The following FAM107B variants were observed in gnomAD, a reference collection of about 807,000 sequenced individuals.
The protein encoded by FAM107B is protein FAM107B.
A neutral mutation model predicts 31.5 loss-of-function variants in FAM107B; 21 were observed. The ratio of observed to expected loss-of-function variants is 0.67; its 90% CI spans 0.47 to 0.96. The LOEUF (loss-of-function observed/expected upper bound fraction) is 0.96, where lower values mean the gene tolerates loss of function less well. FAM107B is among the 40% of genes least tolerant of loss of function. The pLI, the probability that FAM107B is intolerant of heterozygous loss-of-function variation, is 0.00. For missense variants in FAM107B, 452 were observed against 377.1 expected (o/e 1.20, Z -1.64); for synonymous variants, 157 against 141.5 (o/e 1.11, Z -0.78).
At chr10:14,561,447 G>C (rs1850233852) in intron 2 of FAM107B, among the ~76,000 whole-genome samples, 1 of 152,220 alleles carries the variant, frequency 6.6e-6, no homozygotes, top group Non-Finnish European at 1.5e-5. Context: ...GGGCTACCAA[G>C]GGAAAGAGCT....
intron 2 of FAM107B, among the ~76,000 whole-genome samples, chr10:14,557,296 G>T (rs1162414718): frequency 5.9e-5 from 9 of 152,176 alleles, no homozygotes; most frequent in Admixed American, 5.9e-4. Flanking sequence ...TACCTCGCTG[G>T]ATCTTCAAGG....
intron 2 of FAM107B, among the ~76,000 whole-genome samples, chr10:14,582,650 T>C (rs953947985): frequency 3.9e-5 from 6 of 151,928 alleles, no homozygotes; most frequent in Non-Finnish European, 5.9e-5. Flanking sequence ...GAGCTGGGAT[T>C]ACAGGCGTGA....
At chr10:14,549,415 GAGA>G (rs1849048389) in intron 2 of FAM107B, among the ~76,000 whole-genome samples, 1 of 152,260 alleles carries the variant, frequency 6.6e-6, no homozygotes, top group Admixed American at 6.5e-5. Flanking sequence ...ATAAAGATGA[GAGA>G]AGTTTAGGCC....
intron 1 of FAM107B, among the ~76,000 whole-genome samples, chr10:14,680,192 A>C (rs11259265): frequency 0.15 from 22,946 of 152,086 alleles, 2,094 homozygotes; most frequent in South Asian, 0.29. Context: ...TTGAGTTCCC[A>C]GCATAGAACT....
At chr10:14,770,575 C>T (rs138333274) in intron 1 of FAM107B, among the ~76,000 whole-genome samples, 304 of 152,156 alleles carry the variant, frequency 2.0e-3, no homozygotes, top group African/African-American at 7.0e-3. Context: ...TGCTGAATTT[C>T]GTTGAGTCTA....
intron 2 of FAM107B, among the ~76,000 whole-genome samples, chr10:14,636,820 A>G (rs1342110724): frequency 6.6e-6 from 1 of 152,182 alleles, no homozygotes; most frequent in Non-Finnish European, 1.5e-5. Context: ...ATTATGGCTC[A>G]GCTCCTTGCA....
intron 1 of FAM107B, among the ~76,000 whole-genome samples, chr10:14,694,320 C>A (rs1187264502): frequency 6.6e-6 from 1 of 152,220 alleles, no homozygotes; most frequent in African/African-American, 2.4e-5. Flanking sequence ...CTGCACCAAC[C>A]TACATTCCCT....
intron 1 of FAM107B, among the ~76,000 whole-genome samples, chr10:14,716,959 G>A (rs377512180): frequency 1.4e-4 from 21 of 151,912 alleles, no homozygotes; most frequent in Admixed American, 6.6e-4. Flanking sequence ...ATGTGGTGGC[G>A]AGCACCTGTA....
chr10:14,637,762 G>GGGT (rs1853536569), intron 2 of FAM107B, among the ~76,000 whole-genome samples: 1 of 152,114 alleles, frequency 6.6e-6, no homozygotes, highest in Non-Finnish European at 1.5e-5. Context: ...TGACATGTTG[G>GGGT]GGTGGTGTAT....
intron 1 of FAM107B, among the ~76,000 whole-genome samples, chr10:14,710,362 G>A (rs1056372663): frequency 6.6e-6 from 1 of 151,644 alleles, no homozygotes; most frequent in Admixed American, 6.6e-5. Flanking sequence ...TGTGAGCTAC[G>A]ATTGCACCAC....
At chr10:14,705,705 G>T (rs1370911993) in intron 1 of FAM107B, among the ~76,000 whole-genome samples, 1 of 152,044 alleles carries the variant, frequency 6.6e-6, no homozygotes, top group African/African-American at 2.4e-5. Flanking sequence ...GTTGCCAAGG[G>T]CTAGGTGGAG....
At chr10:14,668,431 G>A (rs922255013) in intron 1 of FAM107B, among the ~76,000 whole-genome samples, 1 of 152,114 alleles carries the variant, frequency 6.6e-6, no homozygotes, top group Admixed American at 6.5e-5. Flanking sequence ...CTGATTTCAT[G>A]TACTTTCGAA....
intron 2 of FAM107B, among the ~76,000 whole-genome samples, chr10:14,657,888 G>A (rs1854108754): frequency 6.6e-6 from 1 of 151,580 alleles, no homozygotes; most frequent in South Asian, 2.1e-4. Flanking sequence ...CCAGCTCACT[G>A]CAGCCTTGGC....
At chr10:14,530,651 A>G in intron 2 of FAM107B, 136 bp from the exon 3 acceptor site, 1 of 728,840 alleles carries the variant, frequency 1.4e-6, no homozygotes, top group Non-Finnish European at 2.2e-6. Context: ...CATCGCTGAT[A>G]AATATTCTAA....
intron 2 of FAM107B, among the ~76,000 whole-genome samples, chr10:14,584,111 C>A (rs1356102163): frequency 6.6e-6 from 1 of 152,184 alleles, no homozygotes; most frequent in Non-Finnish European, 1.5e-5. Flanking sequence ...AGGGACCAAG[C>A]AAGACAGGCC....
At chr10:14,753,363 T>G (rs1832867396) in intron 1 of FAM107B, among the ~76,000 whole-genome samples, 1 of 152,144 alleles carries the variant, frequency 6.6e-6, no homozygotes, top group African/African-American at 2.4e-5. Context: ...GATGGGAGCT[T>G]AAAACCCCGT....
intron 2 of FAM107B, among the ~76,000 whole-genome samples, chr10:14,658,169 A>G (rs1043763579): frequency 2.0e-5 from 3 of 152,192 alleles, no homozygotes; most frequent in Non-Finnish European, 4.4e-5. Flanking sequence ...ATTATTTGAA[A>G]TAGAGACAAA....
intron 1 of FAM107B, among the ~76,000 whole-genome samples, chr10:14,725,446 G>T (rs1333157419): frequency 6.6e-6 from 1 of 152,208 alleles, no homozygotes; most frequent in Non-Finnish European, 1.5e-5. Flanking sequence ...ATACGCCAGA[G>T]GCTGAGTGGC....
chr10:14,737,886 CCT>C (rs376945629), intron 1 of FAM107B, among the ~76,000 whole-genome samples: 40 of 151,754 alleles, frequency 2.6e-4, no homozygotes, highest in African/African-American at 8.2e-4. Flanking sequence ...AGTTCATCCC[CCT>C]GACTGGTGAC....
Sources: allele counts gnomAD v4.1 joint callset (sites outside exome capture counted in the v4.1 genomes callset), GRCh38; gene constraint gnomAD v4.1.1; transcripts MANE v1.5; gene names NCBI Gene and HGNC (gene_info 2026-07-23, HGNC 2026-07-21).